ESCO1: variants seen among roughly 807,000 people sequenced by gnomAD.
The protein encoded by ESCO1 is establishment of sister chromatid cohesion N-acetyltransferase 1, also known as N-acetyltransferase ESCO1.
In ESCO1, 33 loss-of-function variants were observed where a neutral mutation model predicts 83.5. The ratio of observed to expected loss-of-function variants is 0.40; its 90% confidence interval spans 0.30 to 0.53. ESCO1 has a LOEUF of 0.53. Ranked by LOEUF, ESCO1 falls within the 20% of genes least tolerant of loss-of-function variation. The pLI, the probability that ESCO1 is intolerant of heterozygous loss-of-function variation, is 0.63. For synonymous variants in ESCO1, 332 were observed against 324.3 expected (o/e 1.02, Z -0.25); for missense variants, 855 against 968.0 (o/e 0.88, Z 1.55).
chr18:21,583,008 A>G (rs1275336735), intron 2 of ESCO1, among the ~76,000 whole-genome samples: 1 of 152,112 alleles, frequency 6.6e-6, no homozygotes, highest in African/African-American at 2.4e-5. Context: ...GCTGGCCAAC[A>G]CGGCAAAACC....
At chr18:21,531,587 G>A (rs1262938267) in intron 11 of ESCO1, among the ~76,000 whole-genome samples, 1 of 151,932 alleles carries the variant, frequency 6.6e-6, no homozygotes, top group Admixed American at 6.6e-5. Context: ...TGGGAGGCCA[G>A]GGTGGTGAAC....
intron 1 of ESCO1, among the ~76,000 whole-genome samples, chr18:21,599,844 T>C (rs1473228531): frequency 6.6e-6 from 1 of 152,168 alleles, no homozygotes; most frequent in African/African-American, 2.4e-5. Context: ...TGCTATCCCA[T>C]TCTGCCTGTG....
chr18:21,595,000 AC>A (rs2038740968), intron 1 of ESCO1, among the ~76,000 whole-genome samples: 1 of 150,336 alleles, frequency 6.7e-6, no homozygotes, highest in Non-Finnish European at 1.5e-5. Context: ...ACAGGAGAGC[AC>A]CACCATGTCT....
At chr18:21,554,150 G>A (rs2038082815) in intron 8 of ESCO1, among the ~76,000 whole-genome samples, 1 of 152,182 alleles carries the variant, frequency 6.6e-6, no homozygotes, top group East Asian at 1.9e-4. Flanking sequence ...ACCAAATGCT[G>A]GTGAGGACAT....
intron 4 of ESCO1, among the ~76,000 whole-genome samples, chr18:21,569,134 G>C (rs1168214245): frequency 1.3e-5 from 2 of 151,934 alleles, no homozygotes; most frequent in Admixed American, 6.6e-5. Flanking sequence ...CATCTACTTT[G>C]TCTAAATCTC....
chr18:21,547,098 G>A (rs993414693), intron 8 of ESCO1, among the ~76,000 whole-genome samples: 12 of 152,100 alleles, frequency 7.9e-5, no homozygotes, highest in Non-Finnish European at 1.5e-4. Context: ...GTGCTAACCC[G>A]ACTTTTCCAA....
chr18:21,587,607 T>G (rs534798304), intron 1 of ESCO1, among the ~76,000 whole-genome samples: 3 of 152,314 alleles, frequency 2.0e-5, no homozygotes, highest in Admixed American at 6.5e-5. Flanking sequence ...CTTATTTTGG[T>G]AATTTGAGTC....
At chr18:21,563,124 G>T (rs1247389299) in intron 7 of ESCO1, among the ~76,000 whole-genome samples, 1 of 151,846 alleles carries the variant, frequency 6.6e-6, no homozygotes, top group Non-Finnish European at 1.5e-5. Context: ...GCCCATTTCG[G>T]CCTCCCAAAG....
chr18:21,567,852 A>G (rs1439408507), intron 5 of ESCO1, 128 bp downstream of exon 5: 9 of 642,136 alleles, frequency 1.4e-5, no homozygotes, highest in Non-Finnish European at 2.1e-5. Flanking sequence ...TGATAATCAC[A>G]TATTTGAAAA....
At position 21,566,141 on chromosome 18, in the gene ESCO1, C is replaced by T. The variant is rs1201648527; in HGVS notation, c.1706+5G>A. 2 of 1,611,370 alleles carry T rather than the reference C, an allele frequency of 1.2e-6. No homozygotes were observed. The highest frequency in any genetic ancestry group is 1.7e-6 in the Non-Finnish European group (2 of 1,178,716). On this transcript the variant is annotated splice_donor_5th_base_variant and intron_variant, in intron 6 of 11. Coordinates refer to ENST00000269214, the MANE Select transcript of ESCO1 (RefSeq NM_052911.3). ...TTAAGCTCTAAAATTTAATTAATAG[C>T]TTACCTGTTATCACTGCTTTTAGAT... is the stretch of plus-strand genomic sequence containing the variant.
At chr18:21,545,146 G>C (rs918492829) in intron 8 of ESCO1, among the ~76,000 whole-genome samples, 1 of 152,148 alleles carries the variant, frequency 6.6e-6, no homozygotes. Flanking sequence ...TGTTGCCAAG[G>C]CTGGTCTCAA....
chr18:21,567,893 C>A, intron 5 of ESCO1, 87 bp downstream of exon 5: 1 of 911,960 alleles, frequency 1.1e-6, no homozygotes, highest in Non-Finnish European at 1.7e-6. Flanking sequence ...AATTTAACAA[C>A]CCTATTTGGT....
chr18:21,537,693 C>A (rs1174457560), intron 9 of ESCO1, among the ~76,000 whole-genome samples: 1 of 152,146 alleles, frequency 6.6e-6, no homozygotes, highest in African/African-American at 2.4e-5. Context: ...TTATGGGTTA[C>A]TAAGATTTTG....
At chr18:21,578,685 C>A (rs914489482) in intron 2 of ESCO1, among the ~76,000 whole-genome samples, 1 of 151,508 alleles carries the variant, frequency 6.6e-6, no homozygotes, top group Non-Finnish European at 1.5e-5. Flanking sequence ...CAAGATCTAC[C>A]ACGAAAAAAA....
At chr18:21,560,353 A>G (rs2038166722) in intron 8 of ESCO1, among the ~76,000 whole-genome samples, 1 of 150,362 alleles carries the variant, frequency 6.7e-6, no homozygotes, top group Non-Finnish European at 1.5e-5. Flanking sequence ...GTATACTACA[A>G]ATTCTGAGGT....
In ESCO1 at chr18:21,536,195, A is replaced by G. The variant is rs748993198; in HGVS notation, c.2044-10T>C. 1.8e-5 allele frequency: 29 copies of G among 1,604,174 alleles called. No individual in the cohort carries two copies. The South Asian group carries it at 3.2e-4, about 18-fold the overall frequency. On this transcript the variant is annotated splice_polypyrimidine_tract_variant and intron_variant, in intron 9 of 11. Transcript: ENST00000269214. ...CTCTAATCTCGTCAACCTGCCAAATAAAGAACAGTAATTATTTTTAAATGA... is the reference window on the plus strand; with the variant it reads ...CTCTAATCTCGTCAACCTGCCAAATGAAGAACAGTAATTATTTTTAAATGA...
At chr18:21,581,082 C>A (rs549921035) in intron 2 of ESCO1, among the ~76,000 whole-genome samples, 1 of 152,094 alleles carries the variant, frequency 6.6e-6, no homozygotes, top group East Asian at 1.9e-4. Flanking sequence ...GAGGCCGAGG[C>A]GGGCTCATCA....
At chr18:21,531,892 T>TCAAAA (rs1447057698) in intron 11 of ESCO1, among the ~76,000 whole-genome samples, 1 of 1,714 alleles carries the variant, frequency 5.8e-4, no homozygotes, top group African/African-American at 1.9e-3. Flanking sequence ...AGACTCCATC[T>TCAAAA]CAAAAAAAAA....
intron 1 of ESCO1, among the ~76,000 whole-genome samples, chr18:21,598,659 G>A (rs1329026011): frequency 1.3e-5 from 2 of 151,332 alleles, no homozygotes; most frequent in Non-Finnish European, 2.9e-5. Flanking sequence ...CCGAGATCTC[G>A]CCACTGCCCT....
Sources: allele counts gnomAD v4.1 joint callset (sites outside exome capture counted in the v4.1 genomes callset), GRCh38; gene constraint gnomAD v4.1.1; transcripts MANE v1.5; gene names NCBI Gene and HGNC (gene_info 2026-07-23, HGNC 2026-07-21).